The following SLC34A2 variants were observed in gnomAD, a reference collection of about 807,000 sequenced individuals.
The protein encoded by SLC34A2 is sodium-dependent phosphate transport protein 2B.
A neutral mutation model predicts 50.8 loss-of-function variants in SLC34A2; 41 were observed. The ratio of observed to expected loss-of-function variants is 0.81; its 90% CI spans 0.63 to 1.05. The LOEUF is 1.05. Among genes scored for constraint, SLC34A2 ranks in the 50% least tolerant of loss-of-function variants. The pLI is 0.00. For synonymous variants in SLC34A2, 401 were observed against 364.2 expected, an observed-to-expected ratio of 1.10 and a Z score of -1.15; for missense variants, 879 against 876.7, an observed-to-expected ratio of 1.00 and a Z score of -0.03.
chr4:25,673,010 G>A (rs1408297298), intron 9 of SLC34A2, 77 bp from the exon 10 acceptor site: 8 of 1,478,020 alleles, frequency 5.4e-6, no homozygotes, highest in Non-Finnish European at 7.6e-6. Flanking sequence ...GGAAAGACAG[G>A]ATCTGGGGGA....
chr4:25,658,629 G>A (rs1024920367), intron 1 of SLC34A2, among the ~76,000 whole-genome samples: 1 of 152,220 alleles, frequency 6.6e-6, no homozygotes, highest in Non-Finnish European at 1.5e-5. Flanking sequence ...AGGAAGTGGA[G>A]CCAAGAGGGT....
intron 8 of SLC34A2, among the ~76,000 whole-genome samples, chr4:25,671,338 T>TG (rs1468659415): frequency 7.2e-5 from 11 of 152,150 alleles, no homozygotes; most frequent in Non-Finnish European, 1.6e-4. Context: ...TGTATTTTTT[T>TG]TGTGGGGTGC....
rs750893391 is a variant in SLC34A2 at position 25,674,667 on chromosome 4, T to C, written c.1458+38T>C. On this transcript the variant is annotated intron_variant, in intron 12 of 12. Coordinates refer to ENST00000382051, the MANE Select transcript of SLC34A2 (RefSeq NM_006424.3). ...GGCACGGGGACAGGGGCCCTGGGAGTGGGACCACCCATGGTCTTGCAAACT... is the reference window on the plus strand; with the variant it reads ...GGCACGGGGACAGGGGCCCTGGGAGCGGGACCACCCATGGTCTTGCAAACT... 4 of 1,613,164 alleles carry C rather than the reference T, an allele frequency of 2.5e-6. No individual in the cohort carries two copies. In the Admixed American group the frequency reaches 5.0e-5, roughly 20 times the overall value.
intron 1 of SLC34A2, among the ~76,000 whole-genome samples, chr4:25,657,623 G>A (rs1005654415): frequency 6.6e-6 from 1 of 152,178 alleles, no homozygotes; most frequent in South Asian, 2.1e-4. Context: ...GTGGTTTGGT[G>A]ATATGGCCCA....
rs4697598 is a variant in SLC34A2, at chr4:25,677,587, C to A, written c.*838C>A. The A allele has an allele frequency of 0.35, 53,503 of 152,066 alleles. 10,797 individuals carry two copies. The highest frequency in any genetic ancestry group is 0.44 in the South Asian group (2,121 of 4,808). 9.4% of individuals were successfully genotyped at this position (152,066 alleles called of 1,614,324 possible). ...ATTTAGCAAACTAAGAAGCCCAATT[C>A]AAAAGCATTGTGGCTAAAGTCTAAC... On this transcript the variant is annotated 3_prime_UTR_variant, in exon 13 of 13. Transcript: ENST00000382051.
At position 25,677,806 on chromosome 4, in the gene SLC34A2, T is replaced by G. The variant is rs1416893025; in HGVS notation, c.*1057T>G. 1.3e-5 allele frequency: 2 copies of G among 152,240 alleles called. No homozygotes were observed. Among genetic ancestry groups the G allele is most frequent in the African/African-American group, 4.8e-5 (2 of 41,436 alleles). The allele number at this position is 152,240 out of a possible 1,614,324, so 9.4% of individuals were successfully genotyped here. On this transcript the variant is annotated 3_prime_UTR_variant, in exon 13 of 13. Transcript: ENST00000382051. The stretch of plus-strand genomic sequence containing the variant: ...TGACTTCCTGGGTTAACTTCCTTCT[T>G]TCCATCCACCCACCCACTGGAATCT...
intron 7 of SLC34A2, 94 bp from the exon 8 acceptor site, chr4:25,670,644 C>A: frequency 1.1e-6 from 1 of 901,046 alleles, no homozygotes; most frequent in Non-Finnish European, 1.8e-6. Context: ...TCACATTTAT[C>A]TCCTTAGAGC....
intron 5 of SLC34A2, 60 bp from the exon 6 acceptor site, chr4:25,667,820 C>G: frequency 2.6e-6 from 3 of 1,140,004 alleles, no homozygotes; most frequent in Non-Finnish European, 4.0e-6. Context: ...GCATAGGTAA[C>G]TTTAGCCTGC....
At position 25,657,036 on chromosome 4, in the gene SLC34A2, C is replaced by T. The variant is rs1713920452; in HGVS notation, c.-4+1146C>T. On this transcript the variant is annotated intron_variant, in intron 1 of 12. Transcript: ENST00000382051. ...AAGATTGCCTCTTTTGTCCCATGCC[C>T]GCTGATCATGATCTTCTCTGCTTTT... is the stretch of plus-strand genomic sequence containing the variant. Among the ~76,000 whole-genome samples, 3 of 152,228 alleles carry T rather than the reference C, an allele frequency of 2.0e-5. No individual in the cohort carries two copies. In the South Asian group the frequency reaches 6.2e-4, roughly 32 times the overall value.
intron 9 of SLC34A2, among the ~76,000 whole-genome samples, chr4:25,672,164 G>T (rs959130400): frequency 6.6e-6 from 1 of 152,100 alleles, no homozygotes; most frequent in African/African-American, 2.4e-5. Flanking sequence ...GTGAAACCCT[G>T]TTTCTACTAA....
Position 25,677,822 on chromosome 4 carries a change from A to G in SLC34A2, c.*1073A>G, listed in dbSNP as rs904711330. 4 of 152,006 alleles carry G rather than the reference A, an allele frequency of 2.6e-5. No homozygotes were observed. The highest frequency in any genetic ancestry group is 5.9e-5 in the Non-Finnish European group (4 of 68,042). 9.4% of individuals were successfully genotyped at this position (152,006 alleles called of 1,614,324 possible). ...CTTCCTTCTTTCCATCCACCCACCC[A>G]CTGGAATCTCTTTCCAAACATTTTT... On this transcript the variant is annotated 3_prime_UTR_variant, in exon 13 of 13. Coordinates refer to ENST00000382051, the MANE Select transcript of SLC34A2 (RefSeq NM_006424.3).
intron 10 of SLC34A2, among the ~76,000 whole-genome samples, chr4:25,673,465 G>C (rs1414830040): frequency 6.6e-6 from 1 of 152,154 alleles, no homozygotes; most frequent in Non-Finnish European, 1.5e-5. Flanking sequence ...TTGCATCTTG[G>C]CAAGGTCCTG....
intron 1 of SLC34A2, among the ~76,000 whole-genome samples, chr4:25,656,153 A>G (rs535571117): frequency 2.4e-4 from 37 of 152,268 alleles, no homozygotes; most frequent in African/African-American, 8.2e-4. Flanking sequence ...TTCTAAAATG[A>G]TCACTGTTTT....
intron 4 of SLC34A2, 50 bp from the exon 5 acceptor site, chr4:25,666,078 C>T (rs772232330): frequency 1.2e-6 from 2 of 1,605,392 alleles, no homozygotes; most frequent in Admixed American, 3.3e-5. Context: ...CCACCTAATC[C>T]CCCTCGATCA....
rs776222294 is a variant in SLC34A2 at position 25,676,779 on chromosome 4, G to T, written c.*30G>T. The T allele has an allele frequency of 6.2e-6, 10 of 1,613,594 alleles. No homozygotes were observed. Among genetic ancestry groups the T allele is most frequent in the Non-Finnish European group, 8.5e-6 (10 of 1,179,956 alleles). On this transcript the variant is annotated 3_prime_UTR_variant, in exon 13 of 13. Coordinates refer to ENST00000382051, the MANE Select transcript of SLC34A2 (RefSeq NM_006424.3). ...CGCCCCAGATTGTCAGGGATGGGGG[G>T]ATGGTCCTTGAGTTTTGCATGCTCT...
Position 25,673,273 on chromosome 4 carries a change from C to A in SLC34A2, c.1216+19C>A, listed in dbSNP as rs1300354366. Reference sequence around the variant, plus strand: ...AACACTGGTAGGTACACTGCCCTCACTTGTAGGCCTCACATGTAGTCACTG... The same window carrying A: ...AACACTGGTAGGTACACTGCCCTCAATTGTAGGCCTCACATGTAGTCACTG... On this transcript the variant is annotated intron_variant, in intron 10 of 12. Transcript: ENST00000382051. 4 of 1,252,186 alleles carry A rather than the reference C, an allele frequency of 3.2e-6. No individual in the cohort carries two copies. Among genetic ancestry groups the A allele is most frequent in the Middle Eastern group, 2.5e-4 (1 of 3,936 alleles). 77.6% of individuals were successfully genotyped at this position (1,252,186 alleles called of 1,614,324 possible).
At chr4:25,666,542 G>A (rs1472785124) in intron 5 of SLC34A2, among the ~76,000 whole-genome samples, 1 of 152,206 alleles carries the variant, frequency 6.6e-6, no homozygotes, top group African/African-American at 2.4e-5. Flanking sequence ...GTAGCCACTA[G>A]CCACATGTGG....
chr4:25,664,101 G>A, intron 3 of SLC34A2, 101 bp from the exon 4 acceptor site: 3 of 1,130,182 alleles, frequency 2.7e-6, no homozygotes, highest in Non-Finnish European at 4.0e-6. Flanking sequence ...GAAGGGAGGG[G>A]AGGTCGGGGG....
Position 25,669,725 on chromosome 4 carries a change from C to T in SLC34A2, c.714C>T (p.Thr238=). 1.2e-6 allele frequency: 2 copies of T among 1,614,132 alleles called. No individual in the cohort carries two copies. Among genetic ancestry groups the T allele is most frequent in the Non-Finnish European group, 1.7e-6 (2 of 1,180,006 alleles). Residue 238 remains threonine (T), a synonymous_variant, in exon 7 of 13, where the codon ACC becomes ACT. Transcript: ENST00000382051. ...TGCTCTTGCCCGTGGAGGTGGCCACCCATTACCTCGAGATCATAACCCAGC... is the reference window on the plus strand; with the variant it reads ...TGCTCTTGCCCGTGGAGGTGGCCACTCATTACCTCGAGATCATAACCCAGC... The part of the protein sequence containing the change: ...VLVLLPVEVA[T]HYLEIITQLI...
Sources: gnomAD v4.1 joint callset for allele counts (sites outside exome capture counted in the v4.1 genomes callset) on GRCh38, gnomAD v4.1.1 for gene constraint, MANE v1.5 for transcripts, NCBI Gene and HGNC (gene_info 2026-07-23, HGNC 2026-07-21) for gene names.